FLVCR1: variants seen among roughly 807,000 people sequenced by gnomAD.
FLVCR1 encodes FLVCR choline and heme transporter 1, also known as choline/ethanolamine transporter FLVCR1.
In FLVCR1, 34 loss-of-function variants were observed where a neutral mutation model predicts 53.6. The observed-to-expected ratio is 0.63, with a 90% CI of 0.48 to 0.84. The LOEUF is 0.84. FLVCR1 is among the 40% of genes least tolerant of loss of function. The probability of loss-of-function intolerance (pLI) is 0.00; values close to 1 mark genes in which losing one functional copy is unlikely to be tolerated. For missense variants in FLVCR1, 677 were observed against 696.7 expected (o/e 0.97, Z 0.32); for synonymous variants, 300 against 286.3 (o/e 1.05, Z -0.48).
intron 1 of FLVCR1, among the ~76,000 whole-genome samples, chr1:212,862,472 A>G (rs1035706992): frequency 6.6e-5 from 10 of 152,208 alleles, no homozygotes; most frequent in East Asian, 1.9e-4. Context: ...CTTATTTGCA[A>G]AGTTCATCCA....
At chr1:212,880,795 T>TAAA (rs36005550) in intron 3 of FLVCR1, among the ~76,000 whole-genome samples, 10 of 142,096 alleles carry the variant, frequency 7.0e-5, no homozygotes, top group Non-Finnish European at 1.2e-4. Flanking sequence ...GACTCTTTAT[T>TAAA]AAAAAAAAAA....
chr1:212,863,870 G>A lies in FLVCR1; in HGVS notation c.883+1G>A. ...CTTTTATTTATTTTAACAGCAATTG[G>A]TAAGTGAATTACTTTCCCTAAAGCT... On this transcript the variant is annotated splice_donor_variant, in intron 2 of 9. Transcript: ENST00000366971. LOFTEE classifies it high-confidence loss of function. 2 of 1,611,582 alleles carry A rather than the reference G, an allele frequency of 1.2e-6. No individual in the cohort carries two copies. Among genetic ancestry groups the A allele is most frequent in the Non-Finnish European group, 1.7e-6 (2 of 1,177,820 alleles).
At position 212,898,024 on chromosome 1, in the gene FLVCR1, G is replaced by A. The variant is rs571281188; in HGVS notation, c.*2734G>A. ...TCTAAAGAATTTGACTAAGAATCAG[G>A]AACTCTGTGTCCATGTCCTGGATGT... On this transcript the variant is annotated 3_prime_UTR_variant, in exon 10 of 10. Coordinates refer to ENST00000366971, the MANE Select transcript of FLVCR1 (RefSeq NM_014053.4). 6.6e-6 allele frequency: 1 copy of A among 152,276 alleles called. No individual in the cohort carries two copies. Among genetic ancestry groups the A allele is most frequent in the East Asian group, 1.9e-4 (1 of 5,184 alleles). 9.4% of individuals were successfully genotyped at this position (152,276 alleles called of 1,614,324 possible).
intron 8 of FLVCR1, 140 bp from the exon 9 acceptor site, chr1:212,894,846 T>G (rs1454710666): frequency 1.4e-6 from 1 of 714,218 alleles, no homozygotes; most frequent in Admixed American, 2.1e-5. Context: ...GTACTATTAT[T>G]TTTTAGGCTG....
chr1:212,881,949 G>A (rs1433379943), intron 3 of FLVCR1, among the ~76,000 whole-genome samples: 3 of 152,158 alleles, frequency 2.0e-5, no homozygotes, highest in Admixed American at 6.5e-5. Flanking sequence ...AGTAATCAAG[G>A]AAATACAAAT....
intron 1 of FLVCR1, among the ~76,000 whole-genome samples, chr1:212,861,809 A>G (rs1281736417): frequency 6.6e-6 from 1 of 152,008 alleles, no homozygotes. Context: ...AGCTGGGACT[A>G]CAGGCACCCG....
intron 2 of FLVCR1, among the ~76,000 whole-genome samples, chr1:212,865,917 GCA>G (rs1265840310): frequency 0.022 from 1,502 of 69,558 alleles, 66 homozygotes; most frequent in Non-Finnish European, 0.029. Flanking sequence ...CTGGGTTCAA[GCA>G]GTTCTCGTGC....
rs1161299912 is a variant in FLVCR1 at position 212,898,136 on chromosome 1, T to C, written c.*2846T>C. 2 of 152,222 alleles carry C rather than the reference T, an allele frequency of 1.3e-5. 1 individual carries two copies. The highest frequency in any genetic ancestry group is 1.3e-4 in the Admixed American group (2 of 15,292). 9.4% of individuals were successfully genotyped at this position (152,222 alleles called of 1,614,324 possible). On this transcript the variant is annotated 3_prime_UTR_variant, in exon 10 of 10. Coordinates refer to ENST00000366971, the MANE Select transcript of FLVCR1 (RefSeq NM_014053.4). The stretch of plus-strand genomic sequence containing the variant: ...CATCCATGAAATGAATGTGTTCAAT[T>C]TGATCTCAAAGATCTTTCCAAAATA...
intron 8 of FLVCR1, among the ~76,000 whole-genome samples, chr1:212,894,682 C>T (rs756214420): frequency 6.6e-5 from 10 of 152,122 alleles, no homozygotes; most frequent in Non-Finnish European, 1.3e-4. Context: ...AATTATCACA[C>T]ACTGTTATAC....
At chr1:212,885,661 C>T (rs7522877) in intron 5 of FLVCR1, 153,632 of 322,706 alleles carry the variant, frequency 0.48, 38,429 homozygotes, top group East Asian at 0.53. Flanking sequence ...CGCCATTTTC[C>T]TGCCTCAGCC....
Position 212,888,495 on chromosome 1 carries a change from C to T in FLVCR1, c.1314C>T (p.Phe438=). 2 of 1,610,960 alleles carry T rather than the reference C, an allele frequency of 1.2e-6. No individual in the cohort carries two copies. The highest frequency in any genetic ancestry group is 1.7e-6 in the Non-Finnish European group (2 of 1,177,306). The change falls in exon 7 of 10, where the codon TTC becomes TTT. Residue 438 remains phenylalanine (F), a synonymous_variant. Transcript: ENST00000366971. The part of the protein sequence containing the change: ...VFVTGGVLGF[F]MTGYLPLGFE... ...TCTGGATTTATTTTCCTAGCTTCTTCATGACTGGTTACCTCCCTTTGGGTT... is the reference window on the plus strand; with the variant it reads ...TCTGGATTTATTTTCCTAGCTTCTTTATGACTGGTTACCTCCCTTTGGGTT...
At chr1:212,871,630 CACTTTG>C (rs1664599202) in intron 2 of FLVCR1, among the ~76,000 whole-genome samples, 1 of 152,030 alleles carries the variant, frequency 6.6e-6, no homozygotes, top group Non-Finnish European at 1.5e-5. Context: ...GTGATGGACC[CACTTTG>C]ACCTCCCAAA....
At chr1:212,881,842 C>G (rs7512393) in intron 3 of FLVCR1, among the ~76,000 whole-genome samples, 1 of 151,944 alleles carries the variant, frequency 6.6e-6, no homozygotes, top group Non-Finnish European at 1.5e-5. Flanking sequence ...AAAAATAACT[C>G]CTACAAATCA....
At chr1:212,863,363 G>A (rs565378376) in intron 1 of FLVCR1, among the ~76,000 whole-genome samples, 6 of 152,198 alleles carry the variant, frequency 3.9e-5, no homozygotes, top group East Asian at 1.9e-4. Flanking sequence ...AGGCCGAGGC[G>A]GGCGGATCAT....
intron 3 of FLVCR1, 66 bp downstream of exon 3, chr1:212,872,884 A>G: frequency 5.1e-6 from 8 of 1,576,096 alleles, no homozygotes; most frequent in Non-Finnish European, 7.0e-6. Flanking sequence ...GATTCTTTTC[A>G]TTTAACCTAG....
At chr1:212,887,638 G>A (rs1665092621) in intron 5 of FLVCR1, among the ~76,000 whole-genome samples, 2 of 152,154 alleles carry the variant, frequency 1.3e-5, no homozygotes, top group Admixed American at 6.5e-5. Flanking sequence ...ATCCCATTTG[G>A]TGGCATAAAA....
At chr1:212,866,218 C>G (rs1370358138) in intron 2 of FLVCR1, among the ~76,000 whole-genome samples, 1 of 152,042 alleles carries the variant, frequency 6.6e-6, no homozygotes, top group African/African-American at 2.4e-5. Context: ...CTTCTGACCT[C>G]AGGTGATCTG....
At position 212,895,098 on chromosome 1, in the gene FLVCR1, A is replaced by G. The variant is rs755789785; in HGVS notation, c.1593+45A>G. 7.3e-6 allele frequency: 10 copies of G among 1,375,994 alleles called. No individual in the cohort carries two copies. In the South Asian group the frequency reaches 1.0e-4, roughly 14 times the overall value. The allele number at this position is 1,375,994 out of a possible 1,614,324, so 85.2% of individuals were successfully genotyped here. ...TTATACTGTTGAGAAGTATGTATAGAATAAATGTGAAACCATATTTTTTTA... is the reference window on the plus strand; with the variant it reads ...TTATACTGTTGAGAAGTATGTATAGGATAAATGTGAAACCATATTTTTTTA... On this transcript the variant is annotated intron_variant, in intron 9 of 9. Transcript: ENST00000366971.
At chr1:212,892,323 C>T (rs1665214202) in intron 8 of FLVCR1, among the ~76,000 whole-genome samples, 3 of 152,194 alleles carry the variant, frequency 2.0e-5, no homozygotes, top group Non-Finnish European at 4.4e-5. Context: ...AGGACAAGCT[C>T]ATTCTCTTGT....
Sources: allele counts gnomAD v4.1 joint callset (sites outside exome capture counted in the v4.1 genomes callset), GRCh38; gene constraint gnomAD v4.1.1; transcripts MANE v1.5; gene names NCBI Gene and HGNC (gene_info 2026-07-23, HGNC 2026-07-21).